The following ROBO2 variants were observed in gnomAD, a reference collection of about 807,000 sequenced individuals.
ROBO2 encodes the protein roundabout guidance receptor 2, also known as roundabout homolog 2.
Under a neutral mutation model 160.8 loss-of-function variants are expected in ROBO2, and 53 were observed. The ratio of observed to expected loss-of-function variants is 0.33; its 90% CI spans 0.26 to 0.41. ROBO2 has a LOEUF of 0.41. Among genes scored for constraint, ROBO2 ranks in the 10% least tolerant of loss-of-function variants. The pLI, the probability that ROBO2 is intolerant of heterozygous loss-of-function variation, is 1.00. For synonymous variants in ROBO2, 664 were observed against 611.7 expected (o/e 1.09, Z -1.26); for missense variants, 1,577 against 1,722.4 (o/e 0.92, Z 1.49).
chr3:76,113,605 G>A (rs2070336928), intron 2 of ROBO2, among the ~76,000 whole-genome samples: 1 of 152,080 alleles, frequency 6.6e-6, no homozygotes. Flanking sequence ...GTTTAAAATT[G>A]TATTTTCCAT....
intron 2 of ROBO2, among the ~76,000 whole-genome samples, chr3:77,348,769 C>T (rs2067964832): frequency 1.3e-5 from 2 of 152,282 alleles, no homozygotes; most frequent in South Asian, 4.1e-4. Flanking sequence ...CTGCCCTTGC[C>T]TTCAGGTATC....
chr3:77,038,425 T>C (rs1003752940), upstream of ROBO2, among the ~76,000 whole-genome samples: 4 of 152,218 alleles, frequency 2.6e-5, no homozygotes, highest in Non-Finnish European at 5.9e-5. Flanking sequence ...TGCTTGAATG[T>C]CGCTGACCTT....
At chr3:77,040,479 G>C (rs1025985806) in exon 1 of ROBO2, 8 of 1,221,622 alleles carry the variant, frequency 6.5e-6, no homozygotes, top group Non-Finnish European at 8.2e-6. Flanking sequence ...AGCCTAAGGA[G>C]AGAGGGTTAG....
intron 24 of ROBO2, among the ~76,000 whole-genome samples, chr3:77,640,096 C>CTTTTT (rs1559785171): frequency 1.0e-4 from 10 of 97,470 alleles, no homozygotes; most frequent in South Asian, 3.4e-4. Context: ...GCAGAGGAAG[C>CTTTTT]ATTTTTTTTT....
chr3:77,598,459 A>G lies in ROBO2; in HGVS notation c.2854+1709A>G, dbSNP rs1015198282. 3.4e-5 allele frequency among the ~76,000 whole-genome samples: 5 copies of G among 147,388 alleles called. No individual in the cohort carries two copies. The South Asian group carries it at 1.0e-3, about 31-fold the overall frequency. On this transcript the variant is annotated intron_variant, in intron 19 of 25. Coordinates refer to ENST00000461745, the Ensembl canonical transcript of ROBO2. ...AATATATATATATATTTATTTATAT[A>G]GAATATATATATTTATTTATATAGT...
At chr3:76,438,959 G>A (rs1278765895) in intron 2 of ROBO2, among the ~76,000 whole-genome samples, 2 of 151,980 alleles carry the variant, frequency 1.3e-5, no homozygotes, top group Non-Finnish European at 2.9e-5. Context: ...TGTGGTTTGA[G>A]AACAACAGGA....
At chr3:76,693,849 G>A (rs1254588598) in intron 2 of ROBO2, among the ~76,000 whole-genome samples, 1 of 152,148 alleles carries the variant, frequency 6.6e-6, no homozygotes, top group African/African-American at 2.4e-5. Context: ...GCCTTCAATC[G>A]ATTGGGTGGT....
intron 2 of ROBO2, among the ~76,000 whole-genome samples, chr3:76,679,188 C>A (rs149584490): frequency 9.9e-5 from 15 of 152,124 alleles, no homozygotes; most frequent in Middle Eastern, 3.4e-3. Flanking sequence ...TAAATAACAC[C>A]CTCATTTTTT....
intron 5 of ROBO2, among the ~76,000 whole-genome samples, chr3:77,511,330 A>T (rs1187285995): frequency 6.6e-6 from 1 of 151,932 alleles, no homozygotes; most frequent in African/African-American, 2.4e-5. Context: ...GGTGAGCAGG[A>T]TGCTTTGATG....
At chr3:77,170,076 C>T (rs537176509) in intron 2 of ROBO2, among the ~76,000 whole-genome samples, 1 of 152,284 alleles carries the variant, frequency 6.6e-6, no homozygotes, top group South Asian at 2.1e-4. Flanking sequence ...CACTGCCTTC[C>T]CTCCAGAGCT....
intron 2 of ROBO2, among the ~76,000 whole-genome samples, chr3:76,590,889 G>A (rs976490417): frequency 1.5e-4 from 23 of 152,022 alleles, no homozygotes; most frequent in African/African-American, 4.8e-4. Context: ...ATGCACCTTC[G>A]TTTTGTTATC....
At chr3:76,481,486 T>C (rs980995924) in intron 2 of ROBO2, among the ~76,000 whole-genome samples, 19 of 152,174 alleles carry the variant, frequency 1.2e-4, no homozygotes, top group African/African-American at 4.6e-4. Flanking sequence ...TAGACATCTG[T>C]GTCTTGATAT....
At chr3:76,633,310 C>T (rs1044897747) in intron 2 of ROBO2, among the ~76,000 whole-genome samples, 2 of 152,008 alleles carry the variant, frequency 1.3e-5, no homozygotes, top group Non-Finnish European at 2.9e-5. Flanking sequence ...ATCAGGCAAG[C>T]AAGTACTTGA....
chr3:76,616,779 T>C (rs2088620091), intron 2 of ROBO2, among the ~76,000 whole-genome samples: 1 of 152,176 alleles, frequency 6.6e-6, no homozygotes, highest in Non-Finnish European at 1.5e-5. Flanking sequence ...GCCCTTGCTA[T>C]GTTGCCTAGC....
intron 2 of ROBO2, among the ~76,000 whole-genome samples, chr3:76,630,878 GT>G (rs2089989740): frequency 1.3e-5 from 2 of 152,140 alleles, no homozygotes; most frequent in Admixed American, 1.3e-4. Flanking sequence ...ATTAAATTCA[GT>G]AACTTTGTAC....
At chr3:76,280,006 G>A (rs943123700) in intron 2 of ROBO2, among the ~76,000 whole-genome samples, 1 of 151,806 alleles carries the variant, frequency 6.6e-6, no homozygotes. Context: ...CTAAACTTGG[G>A]ATTTAAAATA....
At chr3:77,578,988 T>G (rs1428806392) in intron 15 of ROBO2, among the ~76,000 whole-genome samples, 1 of 152,122 alleles carries the variant, frequency 6.6e-6, no homozygotes, top group Non-Finnish European at 1.5e-5. Flanking sequence ...TAAATATTCC[T>G]TCACTAAGAA....
intron 2 of ROBO2, among the ~76,000 whole-genome samples, chr3:77,320,258 T>C (rs1265455173): frequency 6.6e-6 from 1 of 152,184 alleles, no homozygotes; most frequent in Non-Finnish European, 1.5e-5. Flanking sequence ...TTACTCTTGA[T>C]TTCTAGCAAT....
chr3:76,025,109 T>G (rs2066698874), intron 2 of ROBO2, among the ~76,000 whole-genome samples: 1 of 151,548 alleles, frequency 6.6e-6, no homozygotes, highest in African/African-American at 2.4e-5. Flanking sequence ...AAAATACTAC[T>G]TCTTAAATAA....
Sources: gnomAD v4.1 joint callset for allele counts (sites outside exome capture counted in the v4.1 genomes callset) on GRCh38, gnomAD v4.1.1 for gene constraint, MANE v1.5 for transcripts, NCBI Gene and HGNC (gene_info 2026-07-23, HGNC 2026-07-21) for gene names.